Variants in TBC1D4 observed in about 807,000 individuals in gnomAD.
The protein encoded by TBC1D4 is TBC1 domain family member 4.
A neutral mutation model predicts 142.5 loss-of-function variants in TBC1D4; 121 were observed. The observed-to-expected ratio is 0.85, with a 90% CI of 0.73 to 0.99. The LOEUF (loss-of-function observed/expected upper bound fraction) is 0.99, where lower values mean the gene tolerates loss of function less well. TBC1D4 is among the 50% of genes least tolerant of loss of function. TBC1D4 has a pLI of 0.00. For synonymous variants in TBC1D4, 630 were observed against 628.2 expected, an observed-to-expected ratio of 1.00 and a Z score of -0.04; for missense variants, 1,475 against 1,606.6, an observed-to-expected ratio of 0.92 and a Z score of 1.40.
chr13:75,299,617 T>C (rs1482225558), intron 16 of TBC1D4, 43 bp from the exon 17 acceptor site: 6 of 1,610,668 alleles, frequency 3.7e-6, no homozygotes, highest in African/African-American at 2.7e-5. Flanking sequence ...AATGTCCTCA[T>C]GCCTTGGAGA....
Position 75,362,612 on chromosome 13 carries a change from G to A in TBC1D4, c.499-5C>T, listed in dbSNP as rs1882632389. ...GCTGCTAATAACATCAGGAACCTGGGGGAAAAAATTAAAACCCTGATTCTA... is the reference window on the plus strand; with the variant it reads ...GCTGCTAATAACATCAGGAACCTGGAGGAAAAAATTAAAACCCTGATTCTA... On this transcript the variant is annotated splice_polypyrimidine_tract_variant and splice_region_variant and intron_variant, in intron 1 of 20. Coordinates refer to ENST00000377636, the MANE Select transcript of TBC1D4 (RefSeq NM_014832.5). The surrounding 1 kb of genome is among the most constrained non-coding windows in gnomAD (Gnocchi z 4.2). 2 of 1,613,452 alleles carry A rather than the reference G, an allele frequency of 1.2e-6. No individual in the cohort carries two copies. The highest frequency in any genetic ancestry group is 8.5e-7 in the Non-Finnish European group (1 of 1,179,836).
At chr13:75,463,328 T>G (rs1435596733) in intron 1 of TBC1D4, among the ~76,000 whole-genome samples, 1 of 152,056 alleles carries the variant, frequency 6.6e-6, no homozygotes, top group East Asian at 1.9e-4. Context: ...ATTCCTGGAG[T>G]CATAATTAAA....
At chr13:75,378,851 A>C (rs1883663474) in intron 1 of TBC1D4, among the ~76,000 whole-genome samples, 1 of 152,160 alleles carries the variant, frequency 6.6e-6, no homozygotes, top group Non-Finnish European at 1.5e-5. Flanking sequence ...TATCCAGCTG[A>C]AGAAAATAAA....
intron 1 of TBC1D4, among the ~76,000 whole-genome samples, chr13:75,426,185 A>G (rs1418573343): frequency 6.6e-6 from 1 of 152,198 alleles, no homozygotes; most frequent in East Asian, 1.9e-4. Context: ...ATATGAAAAG[A>G]TGCTTGACTT....
chr13:75,290,818 A>C (rs1253439398), intron 19 of TBC1D4, among the ~76,000 whole-genome samples: 2 of 152,196 alleles, frequency 1.3e-5, no homozygotes, highest in Non-Finnish European at 2.9e-5. Flanking sequence ...CATTTTGTAG[A>C]GGAAGAGGTT....
intron 1 of TBC1D4, among the ~76,000 whole-genome samples, chr13:75,402,679 AC>A (rs1885155959): frequency 6.6e-6 from 1 of 151,696 alleles, no homozygotes; most frequent in African/African-American, 2.4e-5. Context: ...ACACACACAC[AC>A]ACACACACAC....
intron 8 of TBC1D4, among the ~76,000 whole-genome samples, chr13:75,335,385 T>C (rs1880111022): frequency 1.3e-5 from 2 of 152,102 alleles, no homozygotes; most frequent in Non-Finnish European, 2.9e-5. Context: ...AAGAGGAAAA[T>C]GAAGTTGAAG....
rs777875959 is a variant in TBC1D4, at chr13:75,372,377, CT to C, written c.499-9771del. On this transcript the variant is annotated intron_variant, in intron 1 of 20. Transcript: ENST00000377636. ...CTCCACCTAACAGGTTCAAGTGATT[CT>C]CCTGCCTCAGCCTCCTGAGTAGCTG... Among the ~76,000 whole-genome samples the C allele has an allele frequency of 4.7e-4, 71 of 151,990 alleles. 1 individual carries two copies. The Middle Eastern group carries it at 0.021, about 44-fold the overall frequency.
chr13:75,359,784 G>GAT lies in TBC1D4; in HGVS notation c.1153_1154dup (p.Ser387ProfsTer7). On this transcript the variant is annotated frameshift_variant, in exon 3 of 21. Transcript: ENST00000377636. LOFTEE classifies it high-confidence loss of function. Reference sequence around the variant, plus strand: ...TGATACATACCTGAGAACAAGAGGAGATATCTTTAAAATTCTTTTCTAGCA... The same window carrying GAT: ...TGATACATACCTGAGAACAAGAGGAGATATATCTTTAAAATTCTTTTCTAGCA... 1 of 1,612,352 alleles carries GAT rather than the reference G, an allele frequency of 6.2e-7. No individual in the cohort carries two copies. The highest frequency in any genetic ancestry group is 8.5e-7 in the Non-Finnish European group (1 of 1,178,568).
At chr13:75,367,465 C>T (rs1882983321) in intron 1 of TBC1D4, among the ~76,000 whole-genome samples, 1 of 151,418 alleles carries the variant, frequency 6.6e-6, no homozygotes, top group African/African-American at 2.4e-5. Flanking sequence ...AGCTTCACTG[C>T]TTGATATTAT....
chr13:75,375,345 G>T (rs1020988831), intron 1 of TBC1D4, among the ~76,000 whole-genome samples: 70 of 152,286 alleles, frequency 4.6e-4, no homozygotes, highest in African/African-American at 1.6e-3. Flanking sequence ...TCACATAGGT[G>T]ATAGTTTTCA....
At position 75,294,885 on chromosome 13, in the gene TBC1D4, C is replaced by T; in HGVS notation, c.3285G>A (p.Gln1095=). The T allele has an allele frequency of 6.2e-7, 1 of 1,613,850 alleles. No homozygotes were observed. Among genetic ancestry groups the T allele is most frequent in the Non-Finnish European group, 8.5e-7 (1 of 1,179,842 alleles). ...CTCTGGCTACAAATCCTAATGAAAACTGAGAGGCAAACAATGTGAGGAACC... is the reference window on the plus strand; with the variant it reads ...CTCTGGCTACAAATCCTAATGAAAATTGAGAGGCAAACAATGTGAGGAACC... ...APWFLTLFAS[Q]FSLGFVARVF... The change falls in exon 18 of 21, where the codon CAG becomes CAA. Residue 1095 remains glutamine, a synonymous_variant. Coordinates refer to ENST00000377636, the MANE Select transcript of TBC1D4 (RefSeq NM_014832.5).
intron 15 of TBC1D4, among the ~76,000 whole-genome samples, chr13:75,303,051 C>T (rs1407084273): frequency 6.6e-6 from 1 of 152,192 alleles, no homozygotes; most frequent in Non-Finnish European, 1.5e-5. Flanking sequence ...GGTACGGTGG[C>T]TCATGCCTGT....
intron 1 of TBC1D4, among the ~76,000 whole-genome samples, chr13:75,445,775 T>C (rs1380701606): frequency 6.6e-6 from 1 of 152,180 alleles, no homozygotes; most frequent in Non-Finnish European, 1.5e-5. Flanking sequence ...CCTAAAAAAA[T>C]GTAAGCAAAT....
chr13:75,408,157 A>G (rs746688984), intron 1 of TBC1D4, among the ~76,000 whole-genome samples: 1 of 152,092 alleles, frequency 6.6e-6, no homozygotes, highest in East Asian at 1.9e-4. Flanking sequence ...TAATTTCTCT[A>G]TGTATAGATT....
At chr13:75,461,898 T>G (rs2138285196) in intron 1 of TBC1D4, among the ~76,000 whole-genome samples, 1 of 152,326 alleles carries the variant, frequency 6.6e-6, no homozygotes, top group South Asian at 2.1e-4. Context: ...TCTCTACAGC[T>G]TCACTTCATA....
At chr13:75,308,301 A>G (rs1166102632) in intron 14 of TBC1D4, among the ~76,000 whole-genome samples, 1 of 152,256 alleles carries the variant, frequency 6.6e-6, no homozygotes, top group Non-Finnish European at 1.5e-5. Flanking sequence ...CAGAATACAC[A>G]GCAGCCATTT....
At chr13:75,400,285 T>A (rs945249648) in intron 1 of TBC1D4, among the ~76,000 whole-genome samples, 18 of 152,136 alleles carry the variant, frequency 1.2e-4, no homozygotes, top group African/African-American at 3.4e-4. Flanking sequence ...AGCCGCACTT[T>A]TTTTCCACTT....
chr13:75,469,970 A>T (rs950266931), intron 1 of TBC1D4, among the ~76,000 whole-genome samples: 5 of 152,360 alleles, frequency 3.3e-5, no homozygotes, highest in South Asian at 2.1e-4. Flanking sequence ...GGGCTATAGT[A>T]ACAAATGTGG....
Sources: allele counts gnomAD v4.1 joint callset (sites outside exome capture counted in the v4.1 genomes callset), GRCh38; gene constraint gnomAD v4.1.1; non-coding constraint Gnocchi (gnomAD v3.1); transcripts MANE v1.5; gene names NCBI Gene and HGNC (gene_info 2026-07-23, HGNC 2026-07-21).